ZNF438: variants seen among roughly 807,000 people sequenced by gnomAD.
ZNF438 encodes the protein zinc finger protein 438.
Under a neutral mutation model 38.0 loss-of-function variants are expected in ZNF438, and 25 were observed. The ratio of observed to expected loss-of-function variants is 0.66; its 90% CI spans 0.48 to 0.92. ZNF438 has a LOEUF of 0.92. ZNF438 is among the 40% of genes least tolerant of loss of function. ZNF438 has a pLI of 0.00. For missense variants in ZNF438, 1,007 were observed against 999.6 expected, an observed-to-expected ratio of 1.01 and a Z score of -0.10; for synonymous variants, 372 against 364.1, an observed-to-expected ratio of 1.02 and a Z score of -0.25.
At chr10:30,849,953 G>C in exon 5 of ZNF438, 1 of 1,614,190 alleles carries the variant, frequency 6.2e-7, no homozygotes, top group East Asian at 2.2e-5. Flanking sequence ...TTGGGTTTGG[G>C]CAGGAGCTTT....
intron 2 of ZNF438, among the ~76,000 whole-genome samples, chr10:30,930,615 T>C (rs762486284): frequency 2.6e-5 from 4 of 151,398 alleles, no homozygotes; most frequent in Non-Finnish European, 4.4e-5. Context: ...CTGACCAACA[T>C]GGTGAAACCC....
chr10:30,953,608 C>T (rs1170673321), intron 1 of ZNF438, among the ~76,000 whole-genome samples: 1 of 150,264 alleles, frequency 6.7e-6, no homozygotes, highest in African/African-American at 2.4e-5. Flanking sequence ...GCACAACGTG[C>T]ACATGTACCC....
At chr10:30,972,205 G>A (rs751849698) in intron 1 of ZNF438, among the ~76,000 whole-genome samples, 7 of 152,070 alleles carry the variant, frequency 4.6e-5, no homozygotes, top group Non-Finnish European at 8.8e-5. Flanking sequence ...TCCTTACCTC[G>A]TGATCCACCT....
At chr10:30,956,133 T>C (rs1027778781) in intron 1 of ZNF438, among the ~76,000 whole-genome samples, 1 of 152,224 alleles carries the variant, frequency 6.6e-6, no homozygotes, top group Non-Finnish European at 1.5e-5. Flanking sequence ...ACACAGTTAT[T>C]CAGTCACTTT....
intron 1 of ZNF438, among the ~76,000 whole-genome samples, chr10:31,011,142 A>G (rs972867344): frequency 2.0e-5 from 3 of 152,132 alleles, no homozygotes; most frequent in African/African-American, 7.2e-5. Context: ...CCTGAGGATT[A>G]AGAAGGCACA....
intron 3 of ZNF438, among the ~76,000 whole-genome samples, chr10:30,889,836 T>C (rs1231062951): frequency 1.3e-5 from 2 of 152,216 alleles, no homozygotes; most frequent in African/African-American, 2.4e-5. Context: ...TGTACATTTC[T>C]AACTGAAACT....
chr10:30,872,706 C>T (rs1370534597), intron 4 of ZNF438, among the ~76,000 whole-genome samples: 2 of 143,056 alleles, frequency 1.4e-5, no homozygotes, highest in East Asian at 4.1e-4. Context: ...GCCAAGATCG[C>T]ACCACTGCAC....
intron 1 of ZNF438, among the ~76,000 whole-genome samples, chr10:30,950,262 A>T (rs1172828281): frequency 6.6e-6 from 1 of 152,186 alleles, no homozygotes; most frequent in Non-Finnish European, 1.5e-5. Flanking sequence ...TGTAAAGGGA[A>T]ATTTATAGCA....
chr10:30,935,334 C>T (rs534599288), intron 2 of ZNF438, among the ~76,000 whole-genome samples: 1 of 152,208 alleles, frequency 6.6e-6, no homozygotes, highest in South Asian at 2.1e-4. Context: ...GTACAGAAGG[C>T]ATATAGTTCC....
intron 1 of ZNF438, among the ~76,000 whole-genome samples, chr10:31,023,812 G>A (rs534575576): frequency 5.9e-5 from 9 of 152,288 alleles, no homozygotes; most frequent in South Asian, 2.1e-4. Flanking sequence ...CCTCAAAGCC[G>A]GTCAGTCTCT....
Position 30,895,004 on chromosome 10 carries a change from G to A in ZNF438, c.-32+13929C>T, listed in dbSNP as rs967548319. Among the ~76,000 whole-genome samples the A allele has an allele frequency of 3.3e-5, 5 of 152,172 alleles. No individual in the cohort carries two copies. In the South Asian group the frequency reaches 8.3e-4, roughly 25 times the overall value. On this transcript the variant is annotated intron_variant, in intron 3 of 5. Coordinates refer to ENST00000413025, the Ensembl canonical transcript of ZNF438. ...ACCTTACAACAAAAATTTCTAACTC[G>A]TCTCTGTTTAGAGGTGTTAGCAGAC...
chr10:30,875,565 G>C (rs182879479), intron 4 of ZNF438: 1 of 985,408 alleles, frequency 1.0e-6, no homozygotes, highest in East Asian at 1.1e-4. Context: ...CCCTTCATCA[G>C]CTACCAAGTG....
intron 1 of ZNF438, among the ~76,000 whole-genome samples, chr10:31,026,334 C>T (rs1422096292): frequency 6.6e-6 from 1 of 152,196 alleles, no homozygotes; most frequent in Admixed American, 6.5e-5. Context: ...TTTTTGCAAT[C>T]TACCCATCTG....
chr10:31,003,881 T>A (rs1308871477), intron 1 of ZNF438, among the ~76,000 whole-genome samples: 1 of 152,028 alleles, frequency 6.6e-6, no homozygotes, highest in Non-Finnish European at 1.5e-5. Context: ...CAATGCAAGA[T>A]CATAAATAAT....
chr10:31,023,811 C>T (rs969545569), intron 1 of ZNF438, among the ~76,000 whole-genome samples: 18 of 152,200 alleles, frequency 1.2e-4, no homozygotes, highest in African/African-American at 4.1e-4. Context: ...TCCTCAAAGC[C>T]GGTCAGTCTC....
chr10:31,004,472 A>G (rs530188711), intron 1 of ZNF438, among the ~76,000 whole-genome samples: 2 of 152,312 alleles, frequency 1.3e-5, no homozygotes, highest in South Asian at 2.1e-4. Context: ...GCAATGGTCA[A>G]TTGTGGTCAA....
At chr10:30,969,205 T>C (rs1475402870) in intron 1 of ZNF438, among the ~76,000 whole-genome samples, 1 of 151,786 alleles carries the variant, frequency 6.6e-6, no homozygotes, top group Non-Finnish European at 1.5e-5. Flanking sequence ...CCAATAAAAG[T>C]CAAAAGGATA....
chr10:31,016,392 G>A (rs547100352), intron 1 of ZNF438, among the ~76,000 whole-genome samples: 2 of 152,260 alleles, frequency 1.3e-5, no homozygotes, highest in Non-Finnish European at 2.9e-5. Flanking sequence ...TTCTATATTT[G>A]ATTCCTGCTT....
chr10:30,943,420 T>G (rs893068094), intron 1 of ZNF438, among the ~76,000 whole-genome samples: 2 of 151,570 alleles, frequency 1.3e-5, no homozygotes, highest in African/African-American at 4.9e-5. Flanking sequence ...AGCATATGAA[T>G]GGAAAAAATA....
Sources: allele counts gnomAD v4.1 joint callset (sites outside exome capture counted in the v4.1 genomes callset), GRCh38; gene constraint gnomAD v4.1.1; transcripts MANE v1.5; gene names NCBI Gene and HGNC (gene_info 2026-07-23, HGNC 2026-07-21).